Variants in ABHD10 observed in about 807,000 individuals in gnomAD.
The protein encoded by ABHD10 is palmitoyl-protein thioesterase ABHD10, mitochondrial.
A neutral mutation model predicts 33.1 loss-of-function variants in ABHD10; 22 were observed. The observed-to-expected ratio is 0.66, with a 90% CI of 0.47 to 0.95. ABHD10 has a LOEUF of 0.95. Ranked by LOEUF, ABHD10 falls within the 40% of genes least tolerant of loss-of-function variation. The pLI, the probability that ABHD10 is intolerant of heterozygous loss-of-function variation, is 0.00. For synonymous variants in ABHD10, 146 were observed against 133.9 expected (o/e 1.09, Z -0.62); for missense variants, 352 against 379.9 (o/e 0.93, Z 0.61).
Position 111,990,422 on chromosome 3 carries a change from G to T in ABHD10, c.577-955G>T, listed in dbSNP as rs1287050206. ...GAAGGAAATAAGCCATATATTAATG[G>T]TTTTTCTCTCCATAAGATAGGATTA... is the stretch of plus-strand genomic sequence containing the variant. On this transcript the variant is annotated intron_variant, in intron 4 of 4. Coordinates refer to ENST00000273359, the MANE Select transcript of ABHD10 (RefSeq NM_018394.4). 3.3e-5 allele frequency among the ~76,000 whole-genome samples: 5 copies of T among 151,612 alleles called. No individual in the cohort carries two copies. In the South Asian group the frequency reaches 8.4e-4, roughly 25 times the overall value.
Position 111,987,649 on chromosome 3 carries a change from T to G in ABHD10, c.576+598T>G, listed in dbSNP as rs141126263. Among the ~76,000 whole-genome samples the G allele has an allele frequency of 5.2e-3, 795 of 152,324 alleles. 3 individuals are homozygous for G. The highest frequency in any genetic ancestry group is 8.6e-3 in the Admixed American group (131 of 15,300). On this transcript the variant is annotated intron_variant, in intron 4 of 4. Coordinates refer to ENST00000273359, the MANE Select transcript of ABHD10 (RefSeq NM_018394.4). The stretch of plus-strand genomic sequence containing the variant: ...TAGTACAATGTAAGCGCTATGTAAA[T>G]TGTTGCTATACTGTATCGTTTAGGG...
At chr3:111,984,867 G>C (rs951536242) in intron 2 of ABHD10, among the ~76,000 whole-genome samples, 1 of 152,136 alleles carries the variant, frequency 6.6e-6, no homozygotes, top group South Asian at 2.1e-4. Flanking sequence ...ACCAAGAAAG[G>C]GATGAACATA....
In ABHD10 at chr3:111,986,940, G is replaced by C. The variant is rs140013000; in HGVS notation, c.465G>C (p.Gly155=). The change falls in exon 4 of 5, where the codon GGG becomes GGC. Residue 155 remains glycine (G), a synonymous_variant. Coordinates refer to ENST00000273359, the MANE Select transcript of ABHD10 (RefSeq NM_018394.4). ...PQILVGSSLG[G]WLMLHAAIAR... ...TTCTTGTTGGATCTAGCCTTGGAGG[G>C]TGGCTTATGCTTCATGCTGCAATTG... The C allele has an allele frequency of 1.2e-6, 2 of 1,608,864 alleles. No homozygotes were observed. Among genetic ancestry groups the C allele is most frequent in the African/African-American group, 1.3e-5 (1 of 74,690 alleles).
At chr3:111,983,171 A>G (rs972392194) in intron 2 of ABHD10, among the ~76,000 whole-genome samples, 1 of 152,188 alleles carries the variant, frequency 6.6e-6, no homozygotes. Flanking sequence ...AGAACAGTAT[A>G]CTTAATTGCA....
intron 1 of ABHD10, among the ~76,000 whole-genome samples, chr3:111,979,414 C>A (rs542334224): frequency 2.4e-4 from 36 of 152,370 alleles, no homozygotes; most frequent in Non-Finnish European, 4.1e-4. Flanking sequence ...GCACCCCGGG[C>A]CCTCGCTGGC....
In ABHD10 at chr3:111,986,382, G is replaced by A. The variant is rs780376193; in HGVS notation, c.438+7G>A. 3.9e-6 allele frequency: 6 copies of A among 1,549,256 alleles called. No individual in the cohort carries two copies. Among genetic ancestry groups the A allele is most frequent in the Non-Finnish European group, 4.4e-6 (5 of 1,123,678 alleles). ...CTTAGCTGATGGGCCACAGGTGACT[G>A]TTTTGTTAAGTATGATGATAATTAC... On this transcript the variant is annotated splice_region_variant and intron_variant, in intron 3 of 4. Coordinates refer to ENST00000273359, the MANE Select transcript of ABHD10 (RefSeq NM_018394.4).
At chr3:111,981,714 C>T (rs955999122) in intron 1 of ABHD10, 70 bp from the exon 2 acceptor site, 3 of 1,319,804 alleles carry the variant, frequency 2.3e-6, no homozygotes, top group East Asian at 2.4e-5. Flanking sequence ...AAGTTAAGAT[C>T]GAAAATATAT....
In ABHD10 at chr3:111,979,110, A is replaced by G. The variant is rs758511155; in HGVS notation, c.49A>G (p.Ser17Gly). Reference protein sequence around the residue: ...AAVAAWVPCRSWGWAAVPFGP... With the variant: ...AAVAAWVPCRGWGWAAVPFGP... ...TGTGGCGGCCTGGGTACCTTGTCGG[A>G]GCTGGGGCTGGGCAGCCGTCCCCTT... Residue 17 changes from serine to glycine, a missense_variant, in exon 1 of 5, where the codon AGC (serine) becomes GGC (glycine). By Grantham distance (56) the Ser-to-Gly change is moderately conservative. Transcript: ENST00000273359. The G allele has an allele frequency of 9.0e-5, 145 of 1,613,262 alleles. 1 individual carries two copies. The highest frequency in any genetic ancestry group is 9.8e-5 in the Non-Finnish European group (116 of 1,179,844).
At chr3:111,980,985 C>T (rs988127035) in intron 1 of ABHD10, among the ~76,000 whole-genome samples, 2 of 152,032 alleles carry the variant, frequency 1.3e-5, no homozygotes, top group East Asian at 3.9e-4. Context: ...CAGACCAAAC[C>T]TGTTTCTTCC....
At chr3:111,979,321 C>G (rs1038005616) in intron 1 of ABHD10, 118 bp downstream of exon 1, 1 of 1,205,074 alleles carries the variant, frequency 8.3e-7, no homozygotes, top group African/African-American at 1.5e-5. Context: ...CTCCCCCTTT[C>G]TCAACACCCC....
chr3:111,980,703 A>G (rs1447080848), intron 1 of ABHD10, among the ~76,000 whole-genome samples: 5 of 152,234 alleles, frequency 3.3e-5, no homozygotes, highest in African/African-American at 1.2e-4. Flanking sequence ...AAATTACACT[A>G]AAATCTCTGT....
At chr3:111,986,145 T>A in intron 2 of ABHD10, 119 bp from the exon 3 acceptor site, 1 of 573,294 alleles carries the variant, frequency 1.7e-6, no homozygotes, top group Non-Finnish European at 3.0e-6. Flanking sequence ...CTAAAATACA[T>A]ATTGATTGTG....
At position 111,981,826 on chromosome 3, in the gene ABHD10, A is replaced by G. The variant is rs1482913263; in HGVS notation, c.185A>G (p.Asp62Gly). 1.9e-6 allele frequency: 3 copies of G among 1,597,876 alleles called. No individual in the cohort carries two copies. In the African/African-American group the frequency reaches 4.0e-5, roughly 21 times the overall value. The change falls in exon 2 of 5, where the codon GAC (aspartate) becomes GGC (glycine). Residue 62 changes from aspartate to glycine, a missense_variant. Asp to Gly is a moderately conservative substitution (Grantham distance 94). Transcript: ENST00000273359. The stretch of plus-strand genomic sequence containing the variant: ...TCACTCTCATTCCTTAATCGACCAG[A>G]CCTTCCAAACCTGGCTTATAAGAAG... The part of the protein sequence containing the change: ...KTSLSFLNRP[D>G]LPNLAYKKLK...
intron 2 of ABHD10, among the ~76,000 whole-genome samples, chr3:111,985,796 G>A (rs181245036): frequency 1.2e-4 from 18 of 146,176 alleles, no homozygotes; most frequent in Middle Eastern, 3.5e-3. Context: ...GAAGCAAAGC[G>A]AAGATACAGT....
intron 1 of ABHD10, among the ~76,000 whole-genome samples, chr3:111,980,746 G>A (rs969545892): frequency 2.6e-5 from 4 of 152,062 alleles, no homozygotes; most frequent in East Asian, 1.9e-4. Flanking sequence ...CCAACAAAAC[G>A]CAAAGTGATT....
At position 111,987,050 on chromosome 3, in the gene ABHD10, A is replaced by G; in HGVS notation, c.575A>G (p.Glu192Gly). The change falls in exon 4 of 5, where the codon GAG becomes GGG. Residue 192 changes from glutamate to glycine, a missense_variant and splice_region_variant. By Grantham distance (98) the Glu-to-Gly change is moderately conservative. Transcript: ENST00000273359. The part of the protein sequence containing the change: ...LVTKFNQLPV[E>G]LKKEVEMKGV... ...ACAAAGTTTAATCAGCTTCCTGTTG[A>G]GGTAAGTCAAAAGTCACTTTTGCCA... 1 of 1,611,920 alleles carries G rather than the reference A, an allele frequency of 6.2e-7. No homozygotes were observed. Among genetic ancestry groups the G allele is most frequent in the Non-Finnish European group, 8.5e-7 (1 of 1,179,624 alleles).
chr3:111,986,368 G>A lies in ABHD10; in HGVS notation c.431G>A (p.Gly144Glu). The change falls in exon 3 of 5, where the codon GGG becomes GAG. Residue 144 changes from glycine (G) to glutamate (E), a missense_variant. Transcript: ENST00000273359. ...TCTATAATTGATGACTTAGCTGATGGGCCACAGGTGACTGTTTTGTTAAGT... is the reference window on the plus strand; with the variant it reads ...TCTATAATTGATGACTTAGCTGATGAGCCACAGGTGACTGTTTTGTTAAGT... ...VLSIIDDLAD[G>E]PQILVGSSLG... is the part of the protein sequence containing the mutation. 1 of 1,603,132 alleles carries A rather than the reference G, an allele frequency of 6.2e-7. No homozygotes were observed. The highest frequency in any genetic ancestry group is 8.5e-7 in the Non-Finnish European group (1 of 1,170,514).
intron 4 of ABHD10, among the ~76,000 whole-genome samples, chr3:111,988,747 G>T (rs1321715466): frequency 6.6e-6 from 1 of 151,974 alleles, no homozygotes; most frequent in Admixed American, 6.6e-5. Context: ...ACACCACTAT[G>T]CCTGGCTGAT....
At chr3:111,991,287 ACTG>A (rs2072735986) in intron 4 of ABHD10, 87 bp from the exon 5 acceptor site, 1 of 1,078,916 alleles carries the variant, frequency 9.3e-7, no homozygotes, top group Non-Finnish European at 1.3e-6. Flanking sequence ...TTATTCAAGA[ACTG>A]CTTTCATTAG....
Sources: allele counts gnomAD v4.1 joint callset (sites outside exome capture counted in the v4.1 genomes callset), GRCh38; gene constraint gnomAD v4.1.1; transcripts MANE v1.5; gene names NCBI Gene and HGNC (gene_info 2026-07-23, HGNC 2026-07-21).